The following ABCC9 variants were observed in gnomAD, a reference collection of about 807,000 sequenced individuals.
The protein encoded by ABCC9 is ATP-binding cassette sub-family C member 9.
In ABCC9, 95 loss-of-function variants were observed where a neutral mutation model predicts 188.3. The ratio of observed to expected loss-of-function variants is 0.50; its 90% CI spans 0.43 to 0.60. ABCC9 has a LOEUF of 0.60. Among genes scored for constraint, ABCC9 ranks in the 20% least tolerant of loss-of-function variants. The pLI is 0.00. For missense variants in ABCC9, 1,102 were observed against 1,876.3 expected, an observed-to-expected ratio of 0.59 and a Z score of 7.62; for synonymous variants, 659 against 652.7, an observed-to-expected ratio of 1.01 and a Z score of -0.15.
intron 35 of ABCC9, among the ~76,000 whole-genome samples, chr12:21,812,590 A>G (rs763559782): frequency 6.6e-6 from 1 of 152,174 alleles, no homozygotes; most frequent in African/African-American, 2.4e-5. Flanking sequence ...TCAGCAAACT[A>G]ACACAGGAAC....
In ABCC9 at chr12:21,875,666, G is replaced by A. The variant is rs1194330942; in HGVS notation, c.2080C>T (p.Arg694Ter). 2.5e-6 allele frequency: 4 copies of A among 1,610,624 alleles called. No homozygotes were observed. In the East Asian group the frequency reaches 8.9e-5, roughly 36 times the overall value. The change falls in exon 17 of 40, where the codon CGA becomes TGA. Residue 694 changes from arginine to a stop codon, truncating the protein, a stop_gained. Coordinates refer to ENST00000261200, the MANE Select transcript of ABCC9 (RefSeq NM_020297.4). LOFTEE classifies it high-confidence loss of function. ...AGATAACTCTTACCTGTTGGAATTCGAATATCTATATTGGATAATGTAGCT... is the reference window on the plus strand; with the variant it reads ...AGATAACTCTTACCTGTTGGAATTCAAATATCTATATTGGATAATGTAGCT... Reference protein sequence around the residue: ...GLATLSNIDIRIPTGQLTMIV... With the variant: ...GLATLSNIDI
chr12:21,814,746 AGAG>A (rs1174827887), intron 34 of ABCC9, 24 bp from the exon 35 acceptor site: 1 of 1,602,984 alleles, frequency 6.2e-7, no homozygotes, highest in East Asian at 2.2e-5. Flanking sequence ...TGTCACTCAA[AGAG>A]AAGAGGACTC....
chr12:21,803,535 AC>A (rs960193031), intron 39 of ABCC9, among the ~76,000 whole-genome samples: 1 of 151,246 alleles, frequency 6.6e-6, no homozygotes, highest in Non-Finnish European at 1.5e-5. Flanking sequence ...CATGCCTGCA[AC>A]CCCAGCTACT....
Position 21,863,034 on chromosome 12 carries a change from G to A in ABCC9, c.2258C>T (p.Ala753Val). 6.2e-7 allele frequency: 1 copy of A among 1,610,610 alleles called. No individual in the cohort carries two copies. Among genetic ancestry groups the A allele is most frequent in the Non-Finnish European group, 8.5e-7 (1 of 1,177,680 alleles). ...ATRSRNRYSV[A>V]YAAQKPWLLN... ...TAGCCAAGGCTTTTGAGCTGCATAT[G>A]CCACAGAGTACCTGTTCCTACTGAA... The change falls in exon 20 of 40, where the codon GCA becomes GTA. Residue 753 changes from alanine (A) to valine (V), a missense_variant. Transcript: ENST00000261200.
intron 13 of ABCC9, 98 bp downstream of exon 13, chr12:21,895,177 G>C: frequency 9.4e-7 from 1 of 1,065,794 alleles, no homozygotes; most frequent in East Asian, 2.4e-5. Context: ...AGTCACAGAG[G>C]TGAGGTAATA....
In ABCC9 at chr12:21,882,763, A is replaced by G. The variant is rs764745408; in HGVS notation, c.2019+3T>C. On this transcript the variant is annotated splice_donor_region_variant and intron_variant, in intron 16 of 39. Transcript: ENST00000261200. ...ATGTAAGAATCCAGGAAATAAAAAT[A>G]ACCTTTATTGCAATGTCCTCTGTTT... The G allele has an allele frequency of 6.2e-7, 1 of 1,600,260 alleles. No individual in the cohort carries two copies. The highest frequency in any genetic ancestry group is 1.1e-5 in the South Asian group (1 of 90,826).
chr12:21,871,449 A>T (rs1489633161), intron 18 of ABCC9, among the ~76,000 whole-genome samples: 3 of 152,232 alleles, frequency 2.0e-5, no homozygotes, highest in Non-Finnish European at 4.4e-5. Flanking sequence ...TGACACTGAA[A>T]ACAGGATTTA....
chr12:21,910,035 T>C, intron 10 of ABCC9, 122 bp downstream of exon 10: 1 of 962,442 alleles, frequency 1.0e-6, no homozygotes, highest in Non-Finnish European at 1.6e-6. Context: ...TCCTTTTCTA[T>C]AAAAGAGTGT....
At chr12:21,851,427 A>G (rs1236254141) in intron 24 of ABCC9, among the ~76,000 whole-genome samples, 1 of 152,172 alleles carries the variant, frequency 6.6e-6, no homozygotes, top group Non-Finnish European at 1.5e-5. Flanking sequence ...GTACAACTTT[A>G]GGTAAGTTAC....
chr12:21,800,886 G>A lies in ABCC9; in HGVS notation c.*158C>T. 1.2e-6 allele frequency: 1 copy of A among 826,016 alleles called. No homozygotes were observed. Among genetic ancestry groups the A allele is most frequent in the Non-Finnish European group, 1.9e-6 (1 of 530,282 alleles). The allele number at this position is 826,016 out of a possible 1,614,324, so 51.2% of individuals were successfully genotyped here. On this transcript the variant is annotated 3_prime_UTR_variant, in exon 40 of 40. Coordinates refer to ENST00000261200, the MANE Select transcript of ABCC9 (RefSeq NM_020297.4). The stretch of plus-strand genomic sequence containing the variant: ...TGAACATATTAAGCAATAATATCTT[G>A]AAAAACTGTTTTAAAAACAGGAAAA...
intron 30 of ABCC9, among the ~76,000 whole-genome samples, chr12:21,835,926 A>C (rs1944055400): frequency 6.6e-6 from 1 of 152,142 alleles, no homozygotes; most frequent in South Asian, 2.1e-4. Context: ...AATCCTCCAC[A>C]TCATCTTCAA....
At chr12:21,882,346 A>G (rs1367378221) in intron 16 of ABCC9, among the ~76,000 whole-genome samples, 6 of 152,230 alleles carry the variant, frequency 3.9e-5, no homozygotes, top group South Asian at 2.1e-4. Context: ...CAAGGGCAGT[A>G]CCGGGAAACT....
intron 31 of ABCC9, among the ~76,000 whole-genome samples, chr12:21,825,818 G>A (rs1943347440): frequency 6.6e-6 from 1 of 152,008 alleles, no homozygotes; most frequent in African/African-American, 2.4e-5. Context: ...AACAAAAATT[G>A]GATGAGGTTC....
intron 12 of ABCC9, among the ~76,000 whole-genome samples, chr12:21,895,653 A>G (rs981159617): frequency 6.6e-6 from 1 of 152,234 alleles, no homozygotes; most frequent in African/African-American, 2.4e-5. Flanking sequence ...GTTACAGTCT[A>G]TCTTTTGTTT....
At chr12:21,819,042 C>T (rs1421907507) in intron 31 of ABCC9, among the ~76,000 whole-genome samples, 1 of 152,042 alleles carries the variant, frequency 6.6e-6, no homozygotes, top group Non-Finnish European at 1.5e-5. Context: ...AAACTCTTTT[C>T]CAAAATTAAA....
rs143938712 is a variant in ABCC9 at position 21,938,445 on chromosome 12, T to A, written c.-20-1751A>T. Among the ~76,000 whole-genome samples the A allele has an allele frequency of 2.4e-3, 371 of 152,270 alleles. 1 individual carries two copies. The highest frequency in any genetic ancestry group is 8.9e-3 in the South Asian group (43 of 4,826). On this transcript the variant is annotated intron_variant, in intron 2 of 39. Coordinates refer to ENST00000261200, the MANE Select transcript of ABCC9 (RefSeq NM_020297.4). ...TTTTAAAAAACAGCAAAATGGAAGT[T>A]ATTAATTTATAGGTGTATGTTAGAT... is the stretch of plus-strand genomic sequence containing the variant.
chr12:21,852,457 G>A lies in ABCC9; in HGVS notation c.2554C>T (p.Gln852Ter), dbSNP rs193922683. The A allele has an allele frequency of 1.2e-6, 2 of 1,613,290 alleles. No homozygotes were observed. The highest frequency in any genetic ancestry group is 1.7e-6 in the Non-Finnish European group (2 of 1,179,884). ...TGCAGGAATTTCAAAATCCCCTCCT[G>A]CATTAAATGATCACTCAAGTGAATG... is the stretch of plus-strand genomic sequence containing the variant. ...LDIHLSDHLM[Q>*]EGILKFLQDD... The change falls in exon 23 of 40, where the codon CAG (glutamine) becomes TAG (stop). Residue 852 changes from glutamine to a stop codon, truncating the protein, a stop_gained. Coordinates refer to ENST00000261200, the MANE Select transcript of ABCC9 (RefSeq NM_020297.4). LOFTEE classifies it high-confidence loss of function.
chr12:21,872,582 G>T, intron 18 of ABCC9, 43 bp downstream of exon 18: 1 of 1,382,696 alleles, frequency 7.2e-7, no homozygotes, highest in African/African-American at 1.4e-5. Flanking sequence ...AAGATTATCA[G>T]ATGTATGACA....
rs527727852 is a variant in ABCC9, at chr12:21,874,166, ATAATCCAATT to A, written c.2093-1446_2093-1437del. On this transcript the variant is annotated intron_variant, in intron 17 of 39. Transcript: ENST00000261200. ...AAAAACTAAAACAGAAATGAAACAA[ATAATCCAATT>A]TAAAAATGGGCAAAGAACCCGAATA... 4.5e-3 allele frequency among the ~76,000 whole-genome samples: 685 copies of A among 152,288 alleles called. 3 individuals are homozygous for A. Among genetic ancestry groups the A allele is most frequent in the Non-Finnish European group, 7.2e-3 (491 of 68,006 alleles).
Sources: gnomAD v4.1 joint callset for allele counts (sites outside exome capture counted in the v4.1 genomes callset) on GRCh38, gnomAD v4.1.1 for gene constraint, MANE v1.5 for transcripts, NCBI Gene and HGNC (gene_info 2026-07-23, HGNC 2026-07-21) for gene names.